PDE1A: variants seen among roughly 807,000 people sequenced by gnomAD.
PDE1A encodes dual specificity calcium/calmodulin-dependent 3',5'-cyclic nucleotide phosphodiesterase 1A.
PDE1A carries 35 observed loss-of-function variants against 61.7 expected under a neutral mutation model. The observed-to-expected ratio is 0.57, with a 90% CI of 0.43 to 0.75. The LOEUF is 0.75. PDE1A is among the 30% of genes least tolerant of loss of function. The probability of loss-of-function intolerance (pLI) is 0.00; values close to 1 mark genes in which losing one functional copy is unlikely to be tolerated. For synonymous variants in PDE1A, 232 were observed against 213.2 expected (o/e 1.09, Z -0.77); for missense variants, 597 against 630.6 (o/e 0.95, Z 0.57).
At chr2:182,219,241 T>C (rs1029138108) in intron 7 of PDE1A, among the ~76,000 whole-genome samples, 3 of 152,132 alleles carry the variant, frequency 2.0e-5, no homozygotes, top group African/African-American at 4.8e-5. Flanking sequence ...AAATGATGAA[T>C]ACATCAAGGG....
At chr2:182,526,193 T>C (rs1307214640), upstream of PDE1A, among the ~76,000 whole-genome samples, 1 of 152,180 alleles carries the variant, frequency 6.6e-6, no homozygotes, top group Admixed American at 6.5e-5. Flanking sequence ...TTCTGAACAA[T>C]ATCGCAGACT....
At chr2:182,268,700 C>G (rs1321394070) in intron 1 of PDE1A, among the ~76,000 whole-genome samples, 1 of 152,106 alleles carries the variant, frequency 6.6e-6, no homozygotes, top group Admixed American at 6.6e-5. Context: ...GCTGAACTCT[C>G]TTTCTCCCAT....
intron 2 of PDE1A, among the ~76,000 whole-genome samples, chr2:182,483,034 C>A (rs1025923343): frequency 6.6e-6 from 1 of 151,852 alleles, no homozygotes; most frequent in African/African-American, 2.4e-5. Context: ...GCTGATGTGG[C>A]TGTATTAATA....
intron 1 of PDE1A, among the ~76,000 whole-genome samples, chr2:182,363,551 T>G (rs1699638701): frequency 6.6e-6 from 1 of 151,988 alleles, no homozygotes; most frequent in African/African-American, 2.4e-5. Flanking sequence ...CATGTGGATG[T>G]CTGGGAAAAG....
the PDE1A span, among the ~76,000 whole-genome samples, chr2:182,560,038 G>A: frequency 4.6e-4 from 69 of 151,456 alleles, 1 homozygote; most frequent in African/African-American, 1.6e-3. Context: ...GGTGGCAGAG[G>A]GATGGATGAG....
At chr2:182,332,445 G>A (rs1267290744) in intron 1 of PDE1A, among the ~76,000 whole-genome samples, 1 of 152,126 alleles carries the variant, frequency 6.6e-6, no homozygotes, top group Non-Finnish European at 1.5e-5. Flanking sequence ...TGGGTTTTGG[G>A]AATTCTCAGC....
the PDE1A span, among the ~76,000 whole-genome samples, chr2:182,544,643 C>T: frequency 6.6e-6 from 1 of 151,950 alleles, no homozygotes; most frequent in Non-Finnish European, 1.5e-5. Flanking sequence ...ATCCCTCCTC[C>T]TTCCTCTCAT....
intron 2 of PDE1A, among the ~76,000 whole-genome samples, chr2:182,244,228 T>C (rs1424744256): frequency 2.0e-5 from 3 of 152,214 alleles, no homozygotes; most frequent in African/African-American, 7.2e-5. Context: ...ATTTGTTTGG[T>C]TCTCTTCTTC....
intron 2 of PDE1A, among the ~76,000 whole-genome samples, chr2:182,254,707 TGCTGAACTGCCAATCAAGG>T (rs1372635035): frequency 6.6e-6 from 1 of 152,136 alleles, no homozygotes; most frequent in African/African-American, 2.4e-5. Context: ...AGAAAGGAGT[TGCTGAACTGCCAATCAAGG>T]GCTTTCCACC....
the PDE1A span, among the ~76,000 whole-genome samples, chr2:182,612,431 A>G: frequency 6.6e-6 from 1 of 152,208 alleles, no homozygotes; most frequent in Non-Finnish European, 1.5e-5. Flanking sequence ...GTAAGTTCTC[A>G]TTACACAAAT....
At chr2:182,184,467 A>C (rs990288936) in intron 13 of PDE1A, among the ~76,000 whole-genome samples, 2 of 152,192 alleles carry the variant, frequency 1.3e-5, no homozygotes, top group African/African-American at 4.8e-5. Context: ...ATCATTCAAC[A>C]ATTCTAAATC....
intron 1 of PDE1A, among the ~76,000 whole-genome samples, chr2:182,273,476 T>G (rs564618191): frequency 1.3e-5 from 2 of 151,344 alleles, no homozygotes; most frequent in Non-Finnish European, 2.9e-5. Context: ...ATAAAAAATA[T>G]ATATATATAT....
chr2:182,380,368 T>C (rs536209213), intron 1 of PDE1A, among the ~76,000 whole-genome samples: 18 of 152,140 alleles, frequency 1.2e-4, no homozygotes, highest in Admixed American at 5.2e-4. Context: ...CGTCTCGGCC[T>C]CCCAAAGTGC....
chr2:182,201,301 G>T, intron 10 of PDE1A, 138 bp downstream of exon 10: 1 of 957,184 alleles, frequency 1.0e-6, no homozygotes. Context: ...AATAAATTTT[G>T]CTGAAACCCC....
At chr2:182,370,991 A>C (rs571015239) in intron 1 of PDE1A, among the ~76,000 whole-genome samples, 1 of 152,350 alleles carries the variant, frequency 6.6e-6, no homozygotes, top group South Asian at 2.1e-4. Context: ...AAAGAGGAGG[A>C]GGACTACTCA....
At chr2:182,716,773 CT>C in the PDE1A span, among the ~76,000 whole-genome samples, 2 of 152,164 alleles carry the variant, frequency 1.3e-5, no homozygotes, top group Non-Finnish European at 2.9e-5. Context: ...ATCTTTACCC[CT>C]CTCCCCTCTC....
chr2:182,243,683 T>C (rs1033377385), intron 2 of PDE1A, among the ~76,000 whole-genome samples: 7 of 152,264 alleles, frequency 4.6e-5, no homozygotes, highest in African/African-American at 1.4e-4. Context: ...GTGAGAGGAA[T>C]AGACAAAGTT....
chr2:182,299,854 C>T (rs1695127461), intron 1 of PDE1A, among the ~76,000 whole-genome samples: 1 of 152,128 alleles, frequency 6.6e-6, no homozygotes, highest in Admixed American at 6.6e-5. Flanking sequence ...CTGAAGGGAC[C>T]TTGATCATTT....
the PDE1A span, among the ~76,000 whole-genome samples, chr2:182,704,166 A>G: frequency 6.8e-6 from 1 of 147,136 alleles, no homozygotes; most frequent in East Asian, 2.1e-4. Flanking sequence ...AGCCGAGATC[A>G]CGCCACTGCA....
Sources: allele counts gnomAD v4.1 joint callset (sites outside exome capture counted in the v4.1 genomes callset), GRCh38; gene constraint gnomAD v4.1.1; transcripts MANE v1.5; gene names NCBI Gene and HGNC (gene_info 2026-07-23, HGNC 2026-07-21).